The following COPG1 variants were observed in gnomAD, a reference collection of about 807,000 sequenced individuals.
COPG1 encodes the protein coat protein complex I subunit gamma 1, also known as coatomer subunit gamma-1.
COPG1 carries 29 observed loss-of-function variants against 102.8 expected under a neutral mutation model. The observed-to-expected ratio is 0.28, with a 90% CI of 0.21 to 0.38. COPG1 has a LOEUF of 0.38. COPG1 is among the 10% of genes least tolerant of loss of function. COPG1 has a pLI of 1.00. For missense variants in COPG1, 875 were observed against 1,132.7 expected, an observed-to-expected ratio of 0.77 and a Z score of 3.27; for synonymous variants, 406 against 421.6, an observed-to-expected ratio of 0.96 and a Z score of 0.45.
intron 20 of COPG1, 132 bp downstream of exon 20, chr3:129,272,547 A>G (rs1299843569): frequency 1.3e-6 from 1 of 786,782 alleles, no homozygotes; most frequent in East Asian, 2.7e-5. Flanking sequence ...AAGAAGAAGA[A>G]TAGCTGAGTC....
At chr3:129,256,009 C>A in intron 7 of COPG1, 59 bp from the exon 8 acceptor site, 1 of 1,479,944 alleles carries the variant, frequency 6.8e-7, no homozygotes, top group South Asian at 1.1e-5. Flanking sequence ...AGAACTGGGC[C>A]CAGAATGTGT....
Position 129,252,550 on chromosome 3 carries a change from T to G in COPG1, c.172-73T>G, listed in dbSNP as rs1000047713. On this transcript the variant is annotated intron_variant, in intron 3 of 23. Transcript: ENST00000314797. Reference sequence around the variant, plus strand: ...GCCTCTTTAGGGTCTGGGGATCTGGTGTGGGCTGATCCTGAAAGAACTGCT... The same window carrying G: ...GCCTCTTTAGGGTCTGGGGATCTGGGGTGGGCTGATCCTGAAAGAACTGCT... 6 of 1,294,596 alleles carry G rather than the reference T, an allele frequency of 4.6e-6. No homozygotes were observed. In the Admixed American group the frequency reaches 5.2e-5, roughly 11 times the overall value. 80.2% of individuals were successfully genotyped at this position (1,294,596 alleles called of 1,614,324 possible). A position where few individuals can be genotyped will look rare whatever the true frequency, so the allele number is the denominator to read the frequency against.
chr3:129,256,273 A>G, intron 8 of COPG1, 119 bp downstream of exon 8: 1 of 775,062 alleles, frequency 1.3e-6, no homozygotes, highest in Non-Finnish European at 2.1e-6. Context: ...GCAGGCTTTA[A>G]TCCTTTCGTC....
At position 129,272,235 on chromosome 3, in the gene COPG1, C is replaced by G. The variant is rs1471425911; in HGVS notation, c.1987-9C>G. ...GCAATGTTTAAGCTCCCCTCTCTTT[C>G]CTGTTCAGTTTGACTGCACAAACAC... On this transcript the variant is annotated splice_polypyrimidine_tract_variant and intron_variant, in intron 19 of 23. Coordinates refer to ENST00000314797, the MANE Select transcript of COPG1 (RefSeq NM_016128.4). 6.2e-7 allele frequency: 1 copy of G among 1,613,138 alleles called. No individual in the cohort carries two copies. Among genetic ancestry groups the G allele is most frequent in the East Asian group, 2.2e-5 (1 of 44,868 alleles).
Position 129,265,782 on chromosome 3 carries a change from G to C in COPG1, c.1458G>C (p.Glu486Asp). The change falls in exon 14 of 24, where the codon GAG (glutamate) becomes GAC (aspartate). Residue 486 changes from glutamate to aspartate, a missense_variant. Transcript: ENST00000314797. ...IYNRVVLEHE[E>D]VRAGAVSALA... ...ACCGAGTGGTCTTGGAGCATGAGGA[G>C]GTCCGGGCAGGTAGGTCTGAGCCAG... The C allele has an allele frequency of 6.2e-7, 1 of 1,613,970 alleles. No individual in the cohort carries two copies. The highest frequency in any genetic ancestry group is 1.3e-5 in the African/African-American group (1 of 75,016).
intron 21 of COPG1, 91 bp downstream of exon 21, chr3:129,272,995 G>T (rs1940209914): frequency 1.7e-6 from 1 of 595,664 alleles, no homozygotes; most frequent in South Asian, 2.8e-5. Flanking sequence ...AGCTGTTTTT[G>T]GCTTTTTAGC....
chr3:129,276,682 G>A (rs536865636), intron 23 of COPG1, among the ~76,000 whole-genome samples: 12 of 152,258 alleles, frequency 7.9e-5, no homozygotes, highest in East Asian at 3.9e-4. Context: ...TTCAGTCAAC[G>A]TGCAAGAGCC....
intron 21 of COPG1, among the ~76,000 whole-genome samples, chr3:129,273,443 T>G (rs916019829): frequency 3.9e-5 from 6 of 152,238 alleles, no homozygotes; most frequent in Non-Finnish European, 8.8e-5. Context: ...TCATAATCCT[T>G]AGAGTTATTT....
rs762139150 is a variant in COPG1, at chr3:129,249,789, C to G, written c.37+43C>G. 3 of 1,532,050 alleles carry G rather than the reference C, an allele frequency of 2.0e-6. No individual in the cohort carries two copies. The African/African-American group carries it at 4.1e-5, about 21-fold the overall frequency. The allele number at this position is 1,532,050 out of a possible 1,614,324, so 94.9% of individuals were successfully genotyped here. On this transcript the variant is annotated intron_variant, in intron 1 of 23. Transcript: ENST00000314797. ...GGGTCTGAGGGAGGCCGGACCCCCA[C>G]CCGCCGAGCTTTCCTTCTGGTTCTC...
intron 17 of COPG1, 30 bp downstream of exon 17, chr3:129,268,650 C>A: frequency 1.2e-6 from 2 of 1,610,228 alleles, no homozygotes; most frequent in Non-Finnish European, 1.7e-6. Context: ...CAGAGGCCAT[C>A]AAGGCCAGGC....
chr3:129,267,837 C>T (rs1940097940), intron 15 of COPG1, 100 bp from the exon 16 acceptor site: 1 of 874,196 alleles, frequency 1.1e-6, no homozygotes, highest in Non-Finnish European at 1.9e-6. Flanking sequence ...CACTAGTCTA[C>T]TTGTTATCCC....
chr3:129,252,775 CA>C (rs1560061764), intron 4 of COPG1, 81 bp downstream of exon 4: 12 of 1,538,214 alleles, frequency 7.8e-6, no homozygotes, highest in Non-Finnish European at 9.9e-6. Flanking sequence ...CTGGCCCCAC[CA>C]GTCAGTGTGG....
Position 129,259,303 on chromosome 3 carries a change from A to G in COPG1, c.872-1030A>G, listed in dbSNP as rs1255062965. ...TGGTGAAACCCCATCTCTACTAAAAATACAAAAATTAGCCGGGCGTGGTGG... is the reference window on the plus strand; with the variant it reads ...TGGTGAAACCCCATCTCTACTAAAAGTACAAAAATTAGCCGGGCGTGGTGG... On this transcript the variant is annotated intron_variant, in intron 10 of 23. Transcript: ENST00000314797. Among the ~76,000 whole-genome samples, 4 of 152,096 alleles carry G rather than the reference A, an allele frequency of 2.6e-5. No homozygotes were observed. The South Asian group carries it at 8.3e-4, about 32-fold the overall frequency.
At chr3:129,277,232 C>T (rs1940290872) in intron 23 of COPG1, 62 bp from the exon 24 acceptor site, 1 of 1,577,528 alleles carries the variant, frequency 6.3e-7, no homozygotes, top group South Asian at 1.1e-5. Flanking sequence ...AAATGCCATC[C>T]TTAGCCTGCC....
In COPG1 at chr3:129,259,600, C is replaced by T. The variant is rs1939884229; in HGVS notation, c.872-733C>T. On this transcript the variant is annotated intron_variant, in intron 10 of 23. Coordinates refer to ENST00000314797, the MANE Select transcript of COPG1 (RefSeq NM_016128.4). ...AATAAAGTAGGGTCTTCAAAATAAG[C>T]ATTAAGAAAAATTTTTTTTGAGTAT... 2.0e-5 allele frequency among the ~76,000 whole-genome samples: 3 copies of T among 151,638 alleles called. No individual in the cohort carries two copies. In the South Asian group the frequency reaches 6.2e-4, roughly 32 times the overall value.
intron 1 of COPG1, among the ~76,000 whole-genome samples, chr3:129,250,126 G>A (rs867599558): frequency 1.3e-5 from 2 of 152,222 alleles, no homozygotes; most frequent in Non-Finnish European, 2.9e-5. Flanking sequence ...CCAGCGTCCT[G>A]TGACTGGGAA....
chr3:129,260,955 A>G lies in COPG1; in HGVS notation c.1128+148A>G, dbSNP rs564107917. On this transcript the variant is annotated intron_variant, in intron 12 of 23. Transcript: ENST00000314797. ...GAGGCCAGCAGTTTGCTCTGCAGAG[A>G]CTTGGCCTTCCGAGAAATGTGCGTA... The G allele has an allele frequency of 1.3e-5, 10 of 753,562 alleles. No individual in the cohort carries two copies. The East Asian group carries it at 2.4e-4, about 18-fold the overall frequency. 46.7% of individuals were successfully genotyped at this position (753,562 alleles called of 1,614,324 possible).
chr3:129,262,913 C>T (rs1056674110), intron 12 of COPG1, among the ~76,000 whole-genome samples: 8 of 149,156 alleles, frequency 5.4e-5, no homozygotes, highest in Admixed American at 1.4e-4. Flanking sequence ...CCAGCCACTC[C>T]GGAGGCTGAG....
In COPG1 at chr3:129,268,947, C is replaced by T. The variant is rs770615453; in HGVS notation, c.1790C>T (p.Thr597Ile). The T allele has an allele frequency of 6.2e-7, 1 of 1,614,156 alleles. No homozygotes were observed. Among genetic ancestry groups the T allele is most frequent in the Non-Finnish European group, 8.5e-7 (1 of 1,180,006 alleles). ...AEQRTESTPI[T>I]AVKQPEKVAA... ...GCTCCTGCAGAAAGTACCCCCATCA[C>T]AGCAGTCAAACAGCCTGAGAAAGTG... Residue 597 changes from threonine to isoleucine, a missense_variant, in exon 18 of 24, where the codon ACA (threonine) becomes ATA (isoleucine). By Grantham distance (89) the Thr-to-Ile change is moderately conservative. Transcript: ENST00000314797.
Sources: allele counts gnomAD v4.1 joint callset (sites outside exome capture counted in the v4.1 genomes callset), GRCh38; gene constraint gnomAD v4.1.1; transcripts MANE v1.5; gene names NCBI Gene and HGNC (gene_info 2026-07-23, HGNC 2026-07-21).